The following ATP6V1E2 variants were observed in gnomAD, a reference collection of about 807,000 sequenced individuals.
The protein encoded by ATP6V1E2 is V-type proton ATPase subunit E 2.
For missense variants in ATP6V1E2, 308 were observed against 273.3 expected (o/e 1.13, Z -0.90); for synonymous variants, 121 against 104.2 (o/e 1.16, Z -0.98).
At chr2:46,529,756 AATG>A (rs200736563) in intron 4 of ATP6V1E2, among the ~76,000 whole-genome samples, 18 of 151,668 alleles carry the variant, frequency 1.2e-4, no homozygotes, top group South Asian at 4.2e-4. Context: ...ATCTGTCTTT[AATG>A]ATGATGATGA....
chr2:46,512,747 G>T lies in ATP6V1E2; in HGVS notation c.-36C>A. The T allele has an allele frequency of 6.4e-7, 1 of 1,563,786 alleles. No individual in the cohort carries two copies. The highest frequency in any genetic ancestry group is 8.6e-7 in the Non-Finnish European group (1 of 1,156,448). The stretch of plus-strand genomic sequence containing the variant: ...AGAGGGGACGGCAGAGAGGGAGCTC[G>T]TACACCGTTTGGCTCCTTTGACTTA... On this transcript the variant is annotated 5_prime_UTR_variant, in exon 5 of 5. The change creates a premature stop within an existing upstream ORF in the 5' untranslated region. Coordinates refer to ENST00000522587, the MANE Select transcript of ATP6V1E2 (RefSeq NM_001318063.2).
intron 4 of ATP6V1E2, chr2:46,534,423 A>G (rs1023193182): frequency 1.3e-5 from 2 of 151,920 alleles, no homozygotes; most frequent in African/African-American, 4.8e-5. Flanking sequence ...TTTCTTCACT[A>G]TGTTCATGTT....
At chr2:46,541,898 C>T (rs1440077179) in intron 1 of ATP6V1E2, 2 of 152,254 alleles carry the variant, frequency 1.3e-5, no homozygotes, top group African/African-American at 2.4e-5. Flanking sequence ...AACGGAATAC[C>T]TTTGAGGAAC....
chr2:46,540,448 AAAGAAAG>A (rs2103955850), intron 2 of ATP6V1E2, among the ~76,000 whole-genome samples: 1 of 150,398 alleles, frequency 6.6e-6, no homozygotes, highest in Admixed American at 6.6e-5. Flanking sequence ...AAAAAAAAAA[AAAGAAAG>A]AAAAAGAAAA....
chr2:46,525,348 G>C (rs889498910), intron 4 of ATP6V1E2, among the ~76,000 whole-genome samples: 1 of 151,778 alleles, frequency 6.6e-6, no homozygotes, highest in African/African-American at 2.4e-5. Flanking sequence ...TGTAGTCCCA[G>C]CTACTCGGGA....
At chr2:46,523,311 A>G (rs1017079021) in intron 4 of ATP6V1E2, among the ~76,000 whole-genome samples, 1 of 152,208 alleles carries the variant, frequency 6.6e-6, no homozygotes. Context: ...GTCTTTGCCC[A>G]TTCCTATGTC....
At position 46,521,740 on chromosome 2, in the gene ATP6V1E2, G is replaced by C. The variant is rs989053913; in HGVS notation, c.-101-8928C>G. On this transcript the variant is annotated intron_variant, in intron 4 of 4. Coordinates refer to ENST00000522587, the MANE Select transcript of ATP6V1E2 (RefSeq NM_001318063.2). Reference sequence around the variant, plus strand: ...GAGTCTCACTCTGTCGCCCAGACTGGAGTGCAGTGGTGCGATCTTGGCTCA... The same window carrying C: ...GAGTCTCACTCTGTCGCCCAGACTGCAGTGCAGTGGTGCGATCTTGGCTCA... Among the ~76,000 whole-genome samples the C allele has an allele frequency of 5.3e-5, 8 of 151,984 alleles. No homozygotes were observed. The South Asian group carries it at 1.7e-3, about 32-fold the overall frequency.
chr2:46,521,277 T>TTG (rs1186460477), intron 4 of ATP6V1E2, among the ~76,000 whole-genome samples: 1 of 152,074 alleles, frequency 6.6e-6, no homozygotes, highest in Non-Finnish European at 1.5e-5. Context: ...CCACATGAGC[T>TTG]TGTGAGTATC....
In ATP6V1E2 at chr2:46,512,292, G is replaced by T. The variant is rs775081990; in HGVS notation, c.420C>A (p.Asp140Glu). Residue 140 changes from aspartate (D) to glutamate (E), a missense_variant, in exon 5 of 5, where the codon GAC becomes GAA. Transcript: ENST00000522587. ...GTACAGCAGCCTCCACCAGGAGGAG[G>T]TCTTGTGGCCGGCAGCGTACAATCA... is the stretch of plus-strand genomic sequence containing the variant. ...PVMIVRCRPQDLLLVEAAVQK... is the reference protein window; with the variant it reads ...PVMIVRCRPQELLLVEAAVQK... The T allele has an allele frequency of 2.5e-6, 4 of 1,611,366 alleles. No homozygotes were observed. The highest frequency in any genetic ancestry group is 2.2e-5 in the South Asian group (2 of 90,806).
chr2:46,541,184 A>G (rs1667745782), intron 2 of ATP6V1E2, among the ~76,000 whole-genome samples: 1 of 152,334 alleles, frequency 6.6e-6, no homozygotes. Context: ...TCTCTCTAAG[A>G]GCAAGTAGCA....
intron 4 of ATP6V1E2, among the ~76,000 whole-genome samples, chr2:46,522,591 A>G (rs1411342022): frequency 2.0e-5 from 3 of 152,238 alleles, no homozygotes; most frequent in African/African-American, 7.2e-5. Flanking sequence ...TTATGGCTGC[A>G]TAGTATTCCA....
intron 2 of ATP6V1E2, among the ~76,000 whole-genome samples, chr2:46,539,641 A>G (rs947976792): frequency 2.6e-5 from 4 of 152,212 alleles, no homozygotes; most frequent in African/African-American, 7.2e-5. Context: ...ATGGTTCCCA[A>G]TTAAATACAA....
intron 2 of ATP6V1E2, among the ~76,000 whole-genome samples, chr2:46,539,224 C>A (rs948432920): frequency 3.9e-5 from 6 of 152,156 alleles, no homozygotes; most frequent in African/African-American, 1.4e-4. Flanking sequence ...TATCAATGAG[C>A]ACCAAATACC....
chr2:46,537,647 AT>A, intron 2 of ATP6V1E2: 1 of 151,896 alleles, frequency 6.6e-6, no homozygotes, highest in Non-Finnish European at 1.5e-5. Flanking sequence ...CTGCTTCTGG[AT>A]TTTTCCATAA....
intron 4 of ATP6V1E2, among the ~76,000 whole-genome samples, chr2:46,528,324 TAAG>T (rs757843941): frequency 6.6e-6 from 1 of 152,238 alleles, no homozygotes; most frequent in Non-Finnish European, 1.5e-5. Context: ...AGTTGTTACT[TAAG>T]AAGATCTTGG....
At chr2:46,520,711 T>G (rs1206838440) in intron 4 of ATP6V1E2, among the ~76,000 whole-genome samples, 1 of 152,162 alleles carries the variant, frequency 6.6e-6, no homozygotes, top group Non-Finnish European at 1.5e-5. Context: ...CTGGATTCGG[T>G]GTTTGTTTTT....
intron 4 of ATP6V1E2, chr2:46,519,435 C>G (rs1350388568): frequency 2.0e-5 from 3 of 152,168 alleles, no homozygotes; most frequent in Non-Finnish European, 4.4e-5. Context: ...TTTAAGAGAG[C>G]CACACCCACA....
intron 4 of ATP6V1E2, among the ~76,000 whole-genome samples, chr2:46,525,965 G>A (rs1484285960): frequency 1.3e-5 from 2 of 151,186 alleles, no homozygotes; most frequent in Non-Finnish European, 2.9e-5. Context: ...CCGGTCTGTT[G>A]CCTTAGAAAA....
At chr2:46,525,004 G>A (rs1370635015) in intron 4 of ATP6V1E2, among the ~76,000 whole-genome samples, 1 of 152,144 alleles carries the variant, frequency 6.6e-6, no homozygotes, top group Non-Finnish European at 1.5e-5. Context: ...CAGGAGTCTT[G>A]GACTATATGC....
Sources: allele counts gnomAD v4.1 joint callset (sites outside exome capture counted in the v4.1 genomes callset), GRCh38; gene constraint gnomAD v4.1.1; transcripts MANE v1.5; gene names NCBI Gene and HGNC (gene_info 2026-07-23, HGNC 2026-07-21).